Variants in FOXM1 observed in about 807,000 individuals in gnomAD.
The protein encoded by FOXM1 is forkhead box protein M1.
In FOXM1, 25 loss-of-function variants were observed where a neutral mutation model predicts 63.6. The observed-to-expected ratio is 0.39, with a 90% confidence interval of 0.29 to 0.55. The LOEUF is 0.55. FOXM1 is among the 20% of genes least tolerant of loss of function. The probability of loss-of-function intolerance (pLI) is 0.60; values close to 1 mark genes in which losing one functional copy is unlikely to be tolerated. For missense variants in FOXM1, 879 were observed against 958.7 expected (o/e 0.92, Z 1.10); for synonymous variants, 387 against 376.9 (o/e 1.03, Z -0.31).
chr12:2,861,314 G>A (rs771234106), intron 8 of FOXM1: 12 of 732,552 alleles, frequency 1.6e-5, no homozygotes, highest in South Asian at 1.2e-4. Context: ...AACAAAGAAA[G>A]ATAAAATTAA....
chr12:2,859,104 G>T lies in FOXM1; in HGVS notation c.1826C>A (p.Ser609Tyr). Residue 609 changes from serine (S) to tyrosine (Y), a missense_variant, in exon 9 of 9, where the codon TCC becomes TAC. Transcript: ENST00000359843. ...KTPIKETLPI[S>Y]STPSKSVLPR... ...GAGGACAGATTTGCTCGGGGTGGAG[G>T]AGATGGGCAGCGTTTCCTTAATGGG... is the stretch of plus-strand genomic sequence containing the variant. 6.2e-7 allele frequency: 1 copy of T among 1,606,438 alleles called. No individual in the cohort carries two copies.
In FOXM1 at chr12:2,874,631, A is replaced by C. The variant is rs2153941395; in HGVS notation, c.-47-106T>G. 1.3e-6 allele frequency: 1 copy of C among 746,844 alleles called. No homozygotes were observed. The highest frequency in any genetic ancestry group is 1.8e-5 in the South Asian group (1 of 55,924). 46.3% of individuals were successfully genotyped at this position (746,844 alleles called of 1,614,324 possible). The stretch of plus-strand genomic sequence containing the variant: ...TATATGACCAGGAACATGAGCCTAA[A>C]GGCCCAGGTAAACATTCCATGGACT... On this transcript the variant is annotated intron_variant, in intron 1 of 8. Coordinates refer to ENST00000359843, the MANE Select transcript of FOXM1 (RefSeq NM_021953.4). The surrounding 1 kb of genome is among the most constrained non-coding windows in gnomAD (Gnocchi z 4.3).
intron 3 of FOXM1, among the ~76,000 whole-genome samples, chr12:2,870,867 G>A (rs1447544453): frequency 6.8e-6 from 1 of 147,426 alleles, no homozygotes; most frequent in East Asian, 2.0e-4. Flanking sequence ...TCTGAGGCAG[G>A]AGAATCACTT....
At position 2,864,210 on chromosome 12, in the gene FOXM1, A is replaced by G; in HGVS notation, c.1266+110T>C. 1.0e-6 allele frequency: 1 copy of G among 978,234 alleles called. No homozygotes were observed. The highest frequency in any genetic ancestry group is 1.5e-6 in the Non-Finnish European group (1 of 653,774). The allele number at this position is 978,234 out of a possible 1,614,324, so 60.6% of individuals were successfully genotyped here. On this transcript the variant is annotated intron_variant, in intron 8 of 8. Coordinates refer to ENST00000359843, the MANE Select transcript of FOXM1 (RefSeq NM_021953.4). This position sits in a 1 kb window ranked among gnomAD's most constrained non-coding sequence, Gnocchi z 5.1. ...CTATGTTTTTATGCCTTTTCTACCCAACTAGATTTATAAGCTCTCAAGGAA... is the reference window on the plus strand; with the variant it reads ...CTATGTTTTTATGCCTTTTCTACCCGACTAGATTTATAAGCTCTCAAGGAA...
intron 3 of FOXM1, among the ~76,000 whole-genome samples, chr12:2,870,086 G>A (rs866075262): frequency 2.4e-4 from 36 of 151,572 alleles, no homozygotes; most frequent in Middle Eastern, 3.2e-3. Context: ...TGCCTCCTGG[G>A]TTCAAGTGAT....
intron 3 of FOXM1, among the ~76,000 whole-genome samples, chr12:2,869,042 T>C (rs752342545): frequency 1.3e-5 from 2 of 152,210 alleles, no homozygotes; most frequent in Non-Finnish European, 1.5e-5. Context: ...AGTTTGAGTA[T>C]GTACTTTGAT....
intron 8 of FOXM1, among the ~76,000 whole-genome samples, chr12:2,862,153 T>C (rs2098114787): frequency 7.0e-6 from 1 of 142,558 alleles, no homozygotes; most frequent in Admixed American, 7.4e-5. Context: ...CACTCCAGCC[T>C]GGGCGACAGA....
rs1458101443 is a variant in FOXM1 at position 2,858,606 on chromosome 12, G to A, written c.*32C>T. On this transcript the variant is annotated 3_prime_UTR_variant, in exon 9 of 9. Coordinates refer to ENST00000359843, the MANE Select transcript of FOXM1 (RefSeq NM_021953.4). ...GAGCCTTGGAGTGCCCGGGATGGTG[G>A]ACAGCTTGAGCACAGGGGCAAGGGC... The A allele has an allele frequency of 2.1e-5, 33 of 1,590,558 alleles. No individual in the cohort carries two copies. The highest frequency in any genetic ancestry group is 2.7e-5 in the Non-Finnish European group (31 of 1,165,914).
Position 2,864,758 on chromosome 12 carries a change from T to G in FOXM1, c.1021-6A>C. ...GGATTCGGTCGTTTCTGCTGCTGCT[T>G]GTGGCAGATGGGGAGAGAAAGAAAC... On this transcript the variant is annotated splice_region_variant and splice_polypyrimidine_tract_variant and intron_variant, in intron 6 of 8. Transcript: ENST00000359843. The surrounding 1 kb of genome is among the most constrained non-coding windows in gnomAD (Gnocchi z 5.1). The G allele has an allele frequency of 3.7e-6, 6 of 1,613,970 alleles. No homozygotes were observed. Among genetic ancestry groups the G allele is most frequent in the Non-Finnish European group, 5.1e-6 (6 of 1,179,898 alleles).
chr12:2,864,447 G>GGTA lies in FOXM1; in HGVS notation c.1136_1138dup (p.Val379_Pro380insLeu), dbSNP rs1372669363. On this transcript the variant is annotated inframe_insertion, in exon 8 of 9. Coordinates refer to ENST00000359843, the MANE Select transcript of FOXM1 (RefSeq NM_021953.4). This position sits in a 1 kb window ranked among gnomAD's most constrained non-coding sequence, Gnocchi z 5.1. ...TGACTGGTTCACCGGGAACTGGATA[G>GGTA]GTACCAGGTATGAGCTGACCCGTGG... 1.2e-6 allele frequency: 2 copies of GGTA among 1,614,056 alleles called. No individual in the cohort carries two copies. The highest frequency in any genetic ancestry group is 2.7e-5 in the African/African-American group (2 of 74,936).
chr12:2,864,561 CT>C lies in FOXM1; in HGVS notation c.1091-67del. On this transcript the variant is annotated intron_variant, in intron 7 of 8. Coordinates refer to ENST00000359843, the MANE Select transcript of FOXM1 (RefSeq NM_021953.4). The surrounding 1 kb of genome is among the most constrained non-coding windows in gnomAD (Gnocchi z 5.1). ...GTACACCCCTTCTCAGCCCCAGGAG[CT>C]TTGCTCTCCTTCTCTGGGCTCAGAT... 1.9e-6 allele frequency: 3 copies of C among 1,582,656 alleles called. No individual in the cohort carries two copies. The highest frequency in any genetic ancestry group is 2.6e-6 in the Non-Finnish European group (3 of 1,154,454).
At chr12:2,873,076 C>T (rs1309681467) in intron 2 of FOXM1, among the ~76,000 whole-genome samples, 1 of 152,076 alleles carries the variant, frequency 6.6e-6, no homozygotes, top group Non-Finnish European at 1.5e-5. Context: ...CATTTTCCTC[C>T]TCTTGCTTCA....
At position 2,864,379 on chromosome 12, in the gene FOXM1, C is replaced by A; in HGVS notation, c.1207G>T (p.Ala403Ser). Residue 403 changes from alanine (A) to serine (S), a missense_variant, in exon 8 of 9, where the codon GCT (alanine) becomes TCT (serine). Ala to Ser is a moderately conservative substitution (Grantham distance 99). This residue lies in a region of FOXM1 where 486 missense variants were observed against 453.5 expected (regional missense o/e 1.07). Coordinates refer to ENST00000359843, the MANE Select transcript of FOXM1 (RefSeq NM_021953.4). This position sits in a 1 kb window ranked among gnomAD's most constrained non-coding sequence, Gnocchi z 5.1. ...PSVKVPLPLA[A>S]SLMSSELARH... is the part of the protein sequence containing the mutation. ...GCAAGCTCTGAGCTCATGAGGGAAG[C>A]CGCCAGGGGCAATGGCACCTTCACC... is the stretch of plus-strand genomic sequence containing the variant. The A allele has an allele frequency of 6.2e-7, 1 of 1,614,072 alleles. No homozygotes were observed. The highest frequency in any genetic ancestry group is 8.5e-7 in the Non-Finnish European group (1 of 1,179,996).
Position 2,874,400 on chromosome 12 carries a change from T to C in FOXM1, c.79A>G (p.Thr27Ala), listed in dbSNP as rs1476301375. 2.5e-6 allele frequency: 4 copies of C among 1,614,104 alleles called. No homozygotes were observed. The highest frequency in any genetic ancestry group is 2.5e-6 in the Non-Finnish European group (3 of 1,180,020). ...GATCTCTTAGGTTCCTCCTCTGATG[T>C]TTCACTTGGGGCATTTTGAACAGGA... ...PLPVQNAPSE[T>A]SEEEPKRSPA... Residue 27 changes from threonine to alanine, a missense_variant, in exon 2 of 9, where the codon ACA becomes GCA. Thr to Ala is a moderately conservative substitution (Grantham distance 58, BLOSUM62 0). Transcript: ENST00000359843. The surrounding 1 kb of genome is among the most constrained non-coding windows in gnomAD (Gnocchi z 4.3).
In FOXM1 at chr12:2,873,745, T is replaced by G. The variant is rs1388038600; in HGVS notation, c.502+232A>C. Among the ~76,000 whole-genome samples the G allele has an allele frequency of 2.0e-5, 3 of 151,828 alleles. No homozygotes were observed. In the East Asian group the frequency reaches 5.9e-4, roughly 30 times the overall value. On this transcript the variant is annotated intron_variant, in intron 2 of 8. Coordinates refer to ENST00000359843, the MANE Select transcript of FOXM1 (RefSeq NM_021953.4). ...GACGTGTGCCACCACGCTCGGCTAG[T>G]TTTTTTATATTTTTAGTAGAGACGG...
chr12:2,870,957 C>CAAAAAAAAAAAAAAAAAAAA (rs11310343), intron 3 of FOXM1, among the ~76,000 whole-genome samples: 3 of 39,126 alleles, frequency 7.7e-5, no homozygotes, highest in African/African-American at 2.7e-4. Flanking sequence ...GACTACGTCT[C>CAAAAAAAAAAAAAAAAAAAA]AAAAAAAAAA....
chr12:2,870,935 G>A (rs937755637), intron 3 of FOXM1, among the ~76,000 whole-genome samples: 3 of 130,334 alleles, frequency 2.3e-5, no homozygotes, highest in African/African-American at 8.8e-5. Flanking sequence ...TCCAGCCTAG[G>A]AGACAGAGAA....
intron 2 of FOXM1, among the ~76,000 whole-genome samples, chr12:2,873,152 C>T (rs1468947874): frequency 1.3e-5 from 2 of 150,888 alleles, no homozygotes; most frequent in African/African-American, 5.0e-5. Context: ...AATCCCAGCA[C>T]TTTGGGAGGC....
rs1410663538 is a variant in FOXM1, at chr12:2,857,954, C to T, written c.*684G>A. On this transcript the variant is annotated 3_prime_UTR_variant, in exon 9 of 9. Transcript: ENST00000359843. ...TTCAGTTGCATCCATCCTCCCACCCCAAATTCAACTCCTGACCCAATACAA... is the reference window on the plus strand; with the variant it reads ...TTCAGTTGCATCCATCCTCCCACCCTAAATTCAACTCCTGACCCAATACAA... The T allele has an allele frequency of 6.6e-6, 1 of 152,602 alleles. No individual in the cohort carries two copies. The highest frequency in any genetic ancestry group is 1.5e-5 in the Non-Finnish European group (1 of 68,116). 9.5% of individuals were successfully genotyped at this position (152,602 alleles called of 1,614,324 possible).
Sources: allele counts gnomAD v4.1 joint callset (sites outside exome capture counted in the v4.1 genomes callset), GRCh38; gene constraint gnomAD v4.1.1; regional missense constraint gnomAD v4.1.1; non-coding constraint Gnocchi (gnomAD v3.1); transcripts MANE v1.5; gene names NCBI Gene and HGNC (gene_info 2026-07-23, HGNC 2026-07-21).